The following ATG7 variants were observed in gnomAD, a reference collection of about 807,000 sequenced individuals.
ATG7 encodes the protein ubiquitin-like modifier-activating enzyme ATG7.
Under a neutral mutation model 82.4 loss-of-function variants are expected in ATG7, and 70 were observed. The ratio of observed to expected loss-of-function variants is 0.85; its 90% CI spans 0.70 to 1.04. The LOEUF is 1.04. Ranked by LOEUF, ATG7 falls within the 50% of genes least tolerant of loss-of-function variation. The pLI is 0.00. For missense variants in ATG7, 792 were observed against 864.3 expected, an observed-to-expected ratio of 0.92 and a Z score of 1.05; for synonymous variants, 287 against 313.0, an observed-to-expected ratio of 0.92 and a Z score of 0.88.
chr3:11,313,427 A>G lies in ATG7; in HGVS notation c.528+7A>G. On this transcript the variant is annotated splice_region_variant and intron_variant, in intron 8 of 20. Coordinates refer to ENST00000693202, the MANE Select transcript of ATG7 (RefSeq NM_001349232.2). ...AAGGTTTTCACTAAAACAGGTATCAACAAATAACCAAAATGCACATAAAAT... is the reference window on the plus strand; with the variant it reads ...AAGGTTTTCACTAAAACAGGTATCAGCAAATAACCAAAATGCACATAAAAT... The G allele has an allele frequency of 6.3e-7, 1 of 1,578,198 alleles. No homozygotes were observed. Among genetic ancestry groups the G allele is most frequent in the Non-Finnish European group, 8.7e-7 (1 of 1,152,934 alleles).
At chr3:11,571,554 C>T in the ATG7 span, among the ~76,000 whole-genome samples, 10 of 151,908 alleles carry the variant, frequency 6.6e-5, no homozygotes, top group African/African-American at 2.2e-4. Flanking sequence ...CATGGTAGCG[C>T]CTGTAATCCC....
chr3:11,356,203 T>A (rs2075921946), intron 14 of ATG7, among the ~76,000 whole-genome samples: 1 of 152,220 alleles, frequency 6.6e-6, no homozygotes, highest in South Asian at 2.1e-4. Context: ...CATGAAAATG[T>A]TCTATATCTT....
chr3:11,480,501 G>A (rs563200894), intron 20 of ATG7, among the ~76,000 whole-genome samples: 8 of 152,204 alleles, frequency 5.3e-5, no homozygotes, highest in Admixed American at 1.3e-4. Context: ...GCAGGGGGCC[G>A]AGGCTGTAGT....
intron 20 of ATG7, among the ~76,000 whole-genome samples, chr3:11,508,741 A>G (rs1301407519): frequency 6.6e-6 from 1 of 152,192 alleles, no homozygotes; most frequent in Middle Eastern, 3.2e-3. Context: ...GTCAGCTACC[A>G]TGCACAGCCC....
chr3:11,404,744 A>G (rs1389367241), intron 19 of ATG7, among the ~76,000 whole-genome samples: 3 of 152,106 alleles, frequency 2.0e-5, no homozygotes, highest in Non-Finnish European at 4.4e-5. Context: ...GGAAAGCAAA[A>G]GGGAAGCAAA....
At chr3:11,385,479 A>G (rs1483247789) in intron 19 of ATG7, among the ~76,000 whole-genome samples, 1 of 152,236 alleles carries the variant, frequency 6.6e-6, no homozygotes, top group Non-Finnish European at 1.5e-5. Flanking sequence ...TTCAACTGAC[A>G]TTTGAGTCCC....
chr3:11,561,077 C>G (rs138379398), downstream of ATG7, among the ~76,000 whole-genome samples: 64 of 152,166 alleles, frequency 4.2e-4, no homozygotes, highest in African/African-American at 1.5e-3. Context: ...CAGAGATGGC[C>G]AGGCCCTTCC....
At chr3:11,366,733 CTT>C (rs1365141178) in intron 18 of ATG7, among the ~76,000 whole-genome samples, 1 of 151,870 alleles carries the variant, frequency 6.6e-6, no homozygotes, top group Non-Finnish European at 1.5e-5. Flanking sequence ...AAAACAGTCT[CTT>C]TATAGAAGGG....
At chr3:11,420,509 A>G (rs996539557) in intron 19 of ATG7, among the ~76,000 whole-genome samples, 1 of 152,108 alleles carries the variant, frequency 6.6e-6, no homozygotes, top group Non-Finnish European at 1.5e-5. Context: ...GATGTTGTCA[A>G]TTTTTCAAAC....
intron 20 of ATG7, among the ~76,000 whole-genome samples, chr3:11,429,263 A>AT (rs1165560332): frequency 6.6e-6 from 1 of 152,096 alleles, no homozygotes; most frequent in African/African-American, 2.4e-5. Flanking sequence ...TGGGAGGCCG[A>AT]GGGGGGCAGA....
chr3:11,560,921 A>G (rs1276741437), downstream of ATG7, among the ~76,000 whole-genome samples: 1 of 152,122 alleles, frequency 6.6e-6, no homozygotes, highest in Non-Finnish European at 1.5e-5. Context: ...AGGCTCGGAA[A>G]GGGGGTTGGG....
At position 11,372,686 on chromosome 3, in the gene ATG7, A is replaced by T. The variant is rs535594845; in HGVS notation, c.1876-7286A>T. ...CATTTTTATTTTTTCTGTATATTTTACTGTACTAAGGGAAAAAAAATGTAA... is the reference window on the plus strand; with the variant it reads ...CATTTTTATTTTTTCTGTATATTTTTCTGTACTAAGGGAAAAAAAATGTAA... On this transcript the variant is annotated intron_variant, in intron 18 of 20. Transcript: ENST00000693202. Among the ~76,000 whole-genome samples, 24 of 150,938 alleles carry T rather than the reference A, an allele frequency of 1.6e-4. 1 individual carries two copies. In the South Asian group the frequency reaches 3.8e-3, roughly 24 times the overall value.
intron 20 of ATG7, among the ~76,000 whole-genome samples, chr3:11,439,389 A>G (rs1440199330): frequency 1.3e-5 from 2 of 152,138 alleles, no homozygotes; most frequent in Admixed American, 6.6e-5. Context: ...GTCTTGATCC[A>G]TCTTGCTTCT....
rs796918256 is a variant in ATG7, at chr3:11,302,620, A to G, written c.215+3204A>G. ...TTATAGTGTGCTCAGTGCTGTAATA[A>G]GCATGGAGAGGTAATCATTATTTCA... On this transcript the variant is annotated intron_variant, in intron 5 of 20. Transcript: ENST00000693202. Among the ~76,000 whole-genome samples, 54 of 152,338 alleles carry G rather than the reference A, an allele frequency of 3.5e-4. 1 individual carries two copies. The highest frequency in any genetic ancestry group is 1.2e-3 in the African/African-American group (49 of 41,572).
chr3:11,406,046 G>A (rs1265335394), intron 19 of ATG7, among the ~76,000 whole-genome samples: 4 of 150,948 alleles, frequency 2.6e-5, no homozygotes, highest in African/African-American at 9.8e-5. Context: ...CTGGAGTGTA[G>A]TGGCATGATC....
chr3:11,317,647 C>G (rs1949639648), intron 9 of ATG7, among the ~76,000 whole-genome samples: 1 of 139,098 alleles, frequency 7.2e-6, no homozygotes, highest in East Asian at 2.2e-4. Flanking sequence ...GGCTGAAGTA[C>G]AGTGGCACGA....
At chr3:11,418,998 C>A (rs941119507) in intron 19 of ATG7, among the ~76,000 whole-genome samples, 12 of 152,014 alleles carry the variant, frequency 7.9e-5, no homozygotes, top group African/African-American at 2.7e-4. Flanking sequence ...CCCACCAGGT[C>A]CCTCCCCTGA....
At chr3:11,543,992 TCACC>T (rs980227873) in intron 20 of ATG7, among the ~76,000 whole-genome samples, 3 of 152,200 alleles carry the variant, frequency 2.0e-5, no homozygotes, top group Admixed American at 2.0e-4. Context: ...CAGGCTGGCC[TCACC>T]ATCTGCTCTG....
At chr3:11,326,286 G>GT (rs60421306) in intron 9 of ATG7, among the ~76,000 whole-genome samples, 73,514 of 146,590 alleles carry the variant, frequency 0.5, 19,712 homozygotes, top group Non-Finnish European at 0.62. Flanking sequence ...TGTAAATGCT[G>GT]TTTTTTTTTT....
Sources: allele counts gnomAD v4.1 joint callset (sites outside exome capture counted in the v4.1 genomes callset), GRCh38; gene constraint gnomAD v4.1.1; transcripts MANE v1.5; gene names NCBI Gene and HGNC (gene_info 2026-07-23, HGNC 2026-07-21).